ESR1: variants seen among roughly 807,000 people sequenced by gnomAD.
The protein encoded by ESR1 is estrogen receptor 1, also known as estrogen receptor.
In ESR1, 12 loss-of-function variants were observed where a neutral mutation model predicts 52.7. The observed-to-expected ratio is 0.23, with a 90% CI of 0.15 to 0.37. The LOEUF is 0.37. Among genes scored for constraint, ESR1 ranks in the 10% least tolerant of loss-of-function variants. The pLI is 1.00. For missense variants in ESR1, 584 were observed against 779.7 expected (o/e 0.75, Z 2.99); for synonymous variants, 305 against 316.8 (o/e 0.96, Z 0.39).
chr6:152,046,767 G>A (rs1022897750), intron 5 of ESR1, among the ~76,000 whole-genome samples: 2 of 152,200 alleles, frequency 1.3e-5, no homozygotes, highest in Non-Finnish European at 2.9e-5. Context: ...GGCCTTGTTT[G>A]TGAACTGGCT....
intron 5 of ESR1, among the ~76,000 whole-genome samples, chr6:152,056,695 G>A (rs886660699): frequency 3.3e-5 from 5 of 152,174 alleles, no homozygotes; most frequent in African/African-American, 1.2e-4. Flanking sequence ...ATAAGTAGCA[G>A]AACAAGGCTC....
intron 6 of ESR1, among the ~76,000 whole-genome samples, chr6:152,093,968 G>A (rs1416704441): frequency 6.6e-6 from 1 of 152,148 alleles, no homozygotes; most frequent in Admixed American, 6.5e-5. Context: ...TTCCCTAGCA[G>A]GTTAGTGACT....
chr6:151,969,176 T>C (rs2038633641), intron 4 of ESR1, among the ~76,000 whole-genome samples: 1 of 152,210 alleles, frequency 6.6e-6, no homozygotes, highest in African/African-American at 2.4e-5. Flanking sequence ...CTCTGATGTG[T>C]TGGGTTGTTG....
chr6:151,970,234 T>C (rs1370502864), intron 4 of ESR1, among the ~76,000 whole-genome samples: 1 of 152,068 alleles, frequency 6.6e-6, no homozygotes, highest in East Asian at 1.9e-4. Context: ...TGATATAGAG[T>C]AGTAGAAAAC....
chr6:151,985,536 C>CAAAAAA (rs2040402313), intron 4 of ESR1, among the ~76,000 whole-genome samples: 2 of 68,024 alleles, frequency 2.9e-5, no homozygotes, highest in East Asian at 4.6e-4. Context: ...AAAAAAAACA[C>CAAAAAA]AAACAAAAAA....
At chr6:151,706,031 G>T (rs933892619) in intron 2 of ESR1, among the ~76,000 whole-genome samples, 1 of 152,190 alleles carries the variant, frequency 6.6e-6, no homozygotes, top group Non-Finnish European at 1.5e-5. Context: ...ACAGTCTGAA[G>T]CTGTGTGTGT....
chr6:152,062,168 T>C (rs906796660), intron 6 of ESR1, among the ~76,000 whole-genome samples: 4 of 152,176 alleles, frequency 2.6e-5, no homozygotes, highest in Non-Finnish European at 5.9e-5. Context: ...TGTTTTTGTC[T>C]CTTTCTGATG....
chr6:151,794,563 C>T lies in ESR1; in HGVS notation c.-70-13280C>T, dbSNP rs113455215. The stretch of plus-strand genomic sequence containing the variant: ...CAGTCACAATTTTGTCAACAATCTA[C>T]CCGTTATTTACAAAGGTTTAAAATC... On this transcript the variant is annotated intron_variant, in intron 2 of 2. Transcript: ENST00000404742. 4.7e-3 allele frequency among the ~76,000 whole-genome samples: 720 copies of T among 151,944 alleles called. 1 individual carries two copies. The highest frequency in any genetic ancestry group is 7.1e-3 in the Non-Finnish European group (485 of 67,984).
intron 1 of ESR1, among the ~76,000 whole-genome samples, chr6:151,824,412 T>C (rs1781114288): frequency 6.6e-6 from 1 of 152,026 alleles, no homozygotes; most frequent in South Asian, 2.1e-4. Flanking sequence ...TTTTCTCCCA[T>C]TTTGTAGGTT....
chr6:151,986,223 A>G (rs1419978753), intron 4 of ESR1, among the ~76,000 whole-genome samples: 1 of 152,134 alleles, frequency 6.6e-6, no homozygotes, highest in Admixed American at 6.5e-5. Flanking sequence ...GTTTTGATAC[A>G]AAATTTAAGA....
intron 1 of ESR1, among the ~76,000 whole-genome samples, chr6:151,684,763 G>C (rs909493907): frequency 1.3e-5 from 2 of 152,212 alleles, no homozygotes; most frequent in South Asian, 4.1e-4. Context: ...CAGGTGAACA[G>C]GCAGGTGCTG....
chr6:152,081,523 G>A (rs549021314), intron 6 of ESR1, among the ~76,000 whole-genome samples: 12 of 151,882 alleles, frequency 7.9e-5, no homozygotes, highest in African/African-American at 2.9e-4. Flanking sequence ...AGAGAAAGCA[G>A]GAAAGATCTA....
At chr6:151,892,724 A>G (rs1427169949) in intron 3 of ESR1, among the ~76,000 whole-genome samples, 7 of 152,048 alleles carry the variant, frequency 4.6e-5, no homozygotes, top group Non-Finnish European at 8.8e-5. Context: ...TGAATTTTGG[A>G]AAGTTCCTGA....
chr6:151,905,274 A>G (rs530676917), intron 3 of ESR1, among the ~76,000 whole-genome samples: 1 of 152,170 alleles, frequency 6.6e-6, no homozygotes, highest in Non-Finnish European at 1.5e-5. Flanking sequence ...GAAAGGACAA[A>G]AAGAGGTATG....
At chr6:151,800,188 C>A (rs1777101441), upstream of ESR1, among the ~76,000 whole-genome samples, 2 of 152,048 alleles carry the variant, frequency 1.3e-5, no homozygotes, top group Admixed American at 6.6e-5. Context: ...AGTAAAAACA[C>A]AAGGAGTGGT....
chr6:151,858,979 T>C (rs1788389656), intron 2 of ESR1, among the ~76,000 whole-genome samples: 1 of 152,214 alleles, frequency 6.6e-6, no homozygotes, highest in South Asian at 2.1e-4. Context: ...TAAAAGGCTA[T>C]GGGTAAGGTT....
At chr6:152,030,368 T>C (rs1278746520) in intron 5 of ESR1, among the ~76,000 whole-genome samples, 1 of 151,946 alleles carries the variant, frequency 6.6e-6, no homozygotes, top group African/African-American at 2.4e-5. Flanking sequence ...TCAAGACCCA[T>C]CAGCGTGCTG....
intron 5 of ESR1, among the ~76,000 whole-genome samples, chr6:152,050,327 T>C (rs9322351): frequency 0.22 from 33,510 of 152,104 alleles, 5,361 homozygotes; most frequent in African/African-American, 0.44. Context: ...CAACCATTCT[T>C]AAGGTAATGG....
chr6:151,695,860 A>C (rs1463639398), intron 1 of ESR1, among the ~76,000 whole-genome samples: 1 of 152,242 alleles, frequency 6.6e-6, no homozygotes, highest in Non-Finnish European at 1.5e-5. Context: ...AGTATCTTTC[A>C]CCTTAAAACT....
Sources: gnomAD v4.1 joint callset for allele counts (sites outside exome capture counted in the v4.1 genomes callset) on GRCh38, gnomAD v4.1.1 for gene constraint, MANE v1.5 for transcripts, NCBI Gene and HGNC (gene_info 2026-07-23, HGNC 2026-07-21) for gene names.